PCDHA1: variants seen among roughly 807,000 people sequenced by gnomAD.
The protein encoded by PCDHA1 is protocadherin alpha 1.
A neutral mutation model predicts 61.3 loss-of-function variants in PCDHA1; 42 were observed. That is an observed-to-expected ratio of 0.69 (90% CI 0.54 to 0.89). The LOEUF (loss-of-function observed/expected upper bound fraction) is 0.89. Ranked by LOEUF, PCDHA1 falls within the 40% of genes least tolerant of loss-of-function variation. The probability of loss-of-function intolerance (pLI) is 0.00; values close to 1 mark genes in which losing one functional copy is unlikely to be tolerated. For missense variants in PCDHA1, 1,256 were observed against 1,235.3 expected (o/e 1.02, Z -0.25); for synonymous variants, 610 against 553.8 (o/e 1.10, Z -1.43).
chr5:140,833,092 G>A (rs1772292108), intron 1 of PCDHA1, among the ~76,000 whole-genome samples: 1 of 152,166 alleles, frequency 6.6e-6, no homozygotes, highest in African/African-American at 2.4e-5. Flanking sequence ...AGTACTAGAC[G>A]AGTAATTTTG....
intron 3 of PCDHA1, among the ~76,000 whole-genome samples, chr5:140,991,888 A>T (rs1374098533): frequency 6.6e-6 from 1 of 152,178 alleles, no homozygotes; most frequent in African/African-American, 2.4e-5. Context: ...TGCCATAACA[A>T]ATTAACACAA....
At chr5:140,893,548 C>T (rs2064047739) in intron 1 of PCDHA1, among the ~76,000 whole-genome samples, 1 of 152,126 alleles carries the variant, frequency 6.6e-6, no homozygotes, top group Non-Finnish European at 1.5e-5. Flanking sequence ...TAGGACTTAT[C>T]TAGTTGTAGT....
At chr5:140,828,717 A>G in intron 1 of PCDHA1, 7 of 1,614,226 alleles carry the variant, frequency 4.3e-6, no homozygotes, top group Non-Finnish European at 5.9e-6. Context: ...CCTGCACACA[A>G]CTTATTCCTG....
chr5:140,829,643 T>C (rs2150171954), intron 1 of PCDHA1: 3 of 1,612,246 alleles, frequency 1.9e-6, no homozygotes, highest in South Asian at 1.1e-5. Flanking sequence ...CGGCAAGGTG[T>C]ACGCGCTGCA....
chr5:141,002,095 C>G (rs1341792848), intron 3 of PCDHA1, among the ~76,000 whole-genome samples: 1 of 152,234 alleles, frequency 6.6e-6, no homozygotes, highest in Non-Finnish European at 1.5e-5. Flanking sequence ...AGTCCAGGGG[C>G]TGGGCCGGAA....
chr5:140,812,950 A>C lies in PCDHA1; in HGVS notation c.2394+24266A>C, dbSNP rs1554126090. ...ATTTCTACATATTTGCAGATTTTCC[A>C]GTTTTAATTCCAGTATTGATTTCTA... On this transcript the variant is annotated intron_variant, in intron 1 of 3. Transcript: ENST00000504120. The C allele has an allele frequency of 2.6e-5, 4 of 152,266 alleles. No individual in the cohort carries two copies. The South Asian group carries it at 6.2e-4, about 24-fold the overall frequency. 9.4% of individuals were successfully genotyped at this position (152,266 alleles called of 1,614,324 possible).
intron 1 of PCDHA1, chr5:140,803,737 A>G: frequency 7.1e-7 from 1 of 1,409,782 alleles, no homozygotes; most frequent in South Asian, 1.4e-5. Context: ...TGTGGTTAAA[A>G]CGGTAAGATT....
intron 1 of PCDHA1, chr5:140,876,899 C>A (rs781884794): frequency 5.0e-6 from 8 of 1,613,974 alleles, no homozygotes; most frequent in Non-Finnish European, 6.8e-6. Context: ...CACATCTTCA[C>A]GGTGTCGGCA....
At chr5:140,967,146 A>G (rs782158011) in intron 1 of PCDHA1, 2 of 1,610,972 alleles carry the variant, frequency 1.2e-6, no homozygotes, top group South Asian at 1.1e-5. Flanking sequence ...CTGGCGCACA[A>G]CCCCGTGGCG....
chr5:140,927,191 T>G, intron 1 of PCDHA1: 1 of 1,614,144 alleles, frequency 6.2e-7, no homozygotes. Flanking sequence ...TACGACCTGG[T>G]GCTCGAGGAC....
intron 1 of PCDHA1, among the ~76,000 whole-genome samples, chr5:140,973,451 G>A (rs1317548382): frequency 2.0e-5 from 3 of 152,172 alleles, no homozygotes; most frequent in African/African-American, 7.2e-5. Context: ...TATAATGACT[G>A]GGGCTGTTTT....
intron 1 of PCDHA1, among the ~76,000 whole-genome samples, chr5:140,922,126 G>A (rs1206223275): frequency 1.3e-5 from 2 of 151,970 alleles, no homozygotes; most frequent in Non-Finnish European, 2.9e-5. Flanking sequence ...ACCTTTAAAT[G>A]TCTCTTATCC....
chr5:140,829,145 C>T (rs2150162987), intron 1 of PCDHA1: 1 of 1,613,788 alleles, frequency 6.2e-7, no homozygotes, highest in South Asian at 1.1e-5. Flanking sequence ...TGAGATAGCA[C>T]TGACTTCCTT....
In PCDHA1 at chr5:140,883,821, A is replaced by T; in HGVS notation, c.2395-95128A>T. ...GTGCACGCGGAGAGCGGCAAGGTGT[A>T]CGCGCTGCAGCCGTTGGACCACGAG... On this transcript the variant is annotated intron_variant, in intron 1 of 3. Transcript: ENST00000504120. 6.2e-7 allele frequency: 1 copy of T among 1,612,450 alleles called. No individual in the cohort carries two copies. The highest frequency in any genetic ancestry group is 8.5e-7 in the Non-Finnish European group (1 of 1,179,756).
intron 3 of PCDHA1, among the ~76,000 whole-genome samples, chr5:140,997,593 G>T (rs2097775607): frequency 6.6e-6 from 1 of 152,072 alleles, no homozygotes. Context: ...ACTGAAACAT[G>T]ATTATGGGGC....
intron 1 of PCDHA1, among the ~76,000 whole-genome samples, chr5:140,903,726 A>G (rs2070539731): frequency 6.6e-6 from 1 of 152,248 alleles, no homozygotes; most frequent in South Asian, 2.1e-4. Context: ...TCTCCCTATT[A>G]TCAATTATTA....
chr5:140,877,632 G>A (rs2057247482), intron 1 of PCDHA1: 2 of 1,613,768 alleles, frequency 1.2e-6, no homozygotes, highest in East Asian at 4.5e-5. Context: ...TGTACACTGC[G>A]CTGCGTTGCT....
chr5:140,838,754 T>C lies in PCDHA1; in HGVS notation c.2394+50070T>C, dbSNP rs1775868330. Among the ~76,000 whole-genome samples, 3 of 152,010 alleles carry C rather than the reference T, an allele frequency of 2.0e-5. No individual in the cohort carries two copies. In the South Asian group the frequency reaches 6.2e-4, roughly 32 times the overall value. On this transcript the variant is annotated intron_variant, in intron 1 of 3. Transcript: ENST00000504120. ...AGTTTGAGACCAGCTTGTGCATCTT[T>C]TGTAGAGACTTTGTAAAATTAGCTA...
chr5:140,884,821 G>A, intron 1 of PCDHA1: 2 of 1,011,756 alleles, frequency 2.0e-6, no homozygotes, highest in South Asian at 2.2e-5. Flanking sequence ...TGGACATTAT[G>A]TGTTGGATTA....
Sources: allele counts gnomAD v4.1 joint callset (sites outside exome capture counted in the v4.1 genomes callset), GRCh38; gene constraint gnomAD v4.1.1; transcripts MANE v1.5; gene names NCBI Gene and HGNC (gene_info 2026-07-23, HGNC 2026-07-21).